TEAD2: variants seen among roughly 807,000 people sequenced by gnomAD.
TEAD2 encodes the protein TEA domain transcription factor 2.
Under a neutral mutation model 61.4 loss-of-function variants are expected in TEAD2, and 51 were observed. The observed-to-expected ratio is 0.83, with a 90% confidence interval of 0.66 to 1.05. The LOEUF (loss-of-function observed/expected upper bound fraction) is 1.05. Ranked by LOEUF, TEAD2 falls within the 50% of genes least tolerant of loss-of-function variation. The pLI, the probability that TEAD2 is intolerant of heterozygous loss-of-function variation, is 0.00. For missense variants in TEAD2, 509 were observed against 600.0 expected (o/e 0.85, Z 1.58); for synonymous variants, 244 against 243.2 (o/e 1.00, Z -0.03).
chr19:49,357,156 C>A lies in TEAD2; in HGVS notation c.360+96G>T. ...AGTCCTCCCCGCTCTAAGTCTCTGT[C>A]CCCCTCTCCCTGGGTCTCTGTCCCT... On this transcript the variant is annotated intron_variant, in intron 4 of 12. Transcript: ENST00000593945. 32 of 1,202,632 alleles carry A rather than the reference C, an allele frequency of 2.7e-5. No homozygotes were observed. The South Asian group carries it at 3.9e-4, about 15-fold the overall frequency. 74.5% of individuals were successfully genotyped at this position (1,202,632 alleles called of 1,614,324 possible).
rs748101795 is a variant in TEAD2, at chr19:49,351,375, A to G, written c.540-10T>C. ...TGAGAATGGCTTCACACTGAGGGAA[A>G]AAGGAAGCCAGGGGTTAGCCAGGTA... On this transcript the variant is annotated splice_polypyrimidine_tract_variant and intron_variant, in intron 7 of 12. Coordinates refer to ENST00000593945, the MANE Select transcript of TEAD2 (RefSeq NM_001256660.2). 2 of 1,607,158 alleles carry G rather than the reference A, an allele frequency of 1.2e-6. No homozygotes were observed. The highest frequency in any genetic ancestry group is 1.7e-6 in the Non-Finnish European group (2 of 1,177,524).
rs1179230155 is a variant in TEAD2 at position 49,346,174 on chromosome 19, A to T, written c.921+1016T>A. ...GAGCAAAATTCCATCTCAAAAAAAA[A>T]AAAAAAAAAAACAATAAAAGAAAAT... On this transcript the variant is annotated intron_variant, in intron 10 of 12. Coordinates refer to ENST00000593945, the MANE Select transcript of TEAD2 (RefSeq NM_001256660.2). 1.1e-3 allele frequency among the ~76,000 whole-genome samples: 155 copies of T among 146,690 alleles called. 1 individual carries two copies. The highest frequency in any genetic ancestry group is 7.6e-3 in the East Asian group (38 of 4,986).
rs1335768168 is a variant in TEAD2, at chr19:49,359,892, G to A, written c.184C>T (p.Pro62Ser). ...AAAATTATTTTCCGGCGGCCGCAGGGTGGATAGATGGCCAGGGCCTCCTGG... is the reference window on the plus strand; with the variant it reads ...AAAATTATTTTCCGGCGGCCGCAGGATGGATAGATGGCCAGGGCCTCCTGG... ...SFQEALAIYPPCGRRKIILSD... is the reference protein window; with the variant it reads ...SFQEALAIYPSCGRRKIILSD... Residue 62 changes from proline (P) to serine (S), a missense_variant, in exon 2 of 13, where the codon CCC (proline) becomes TCC (serine). Physicochemically the swap from Pro to Ser is moderately conservative, Grantham distance 74. Transcript: ENST00000593945. The surrounding 1 kb of genome is among the most constrained non-coding windows in gnomAD (Gnocchi z 4.1). 7 of 1,613,688 alleles carry A rather than the reference G, an allele frequency of 4.3e-6. No homozygotes were observed. The highest frequency in any genetic ancestry group is 5.1e-6 in the Non-Finnish European group (6 of 1,180,034).
intron 7 of TEAD2, among the ~76,000 whole-genome samples, chr19:49,354,513 A>G (rs1054894579): frequency 7.9e-5 from 12 of 151,956 alleles, no homozygotes; most frequent in African/African-American, 2.9e-4. Flanking sequence ...AAAAAAAGAA[A>G]AAAAAAAAAA....
chr19:49,358,155 A>C (rs1422558977), intron 3 of TEAD2, among the ~76,000 whole-genome samples: 1 of 152,102 alleles, frequency 6.6e-6, no homozygotes, highest in Non-Finnish European at 1.5e-5. Flanking sequence ...AATCGCTTGA[A>C]CCCGGGAGGC....
At chr19:49,343,511 G>T in intron 10 of TEAD2, 113 bp from the exon 11 acceptor site, 3 of 1,256,744 alleles carry the variant, frequency 2.4e-6, no homozygotes, top group Non-Finnish European at 3.2e-6. Context: ...AGGCCGAGGC[G>T]GGCGGATCAC....
intron 8 of TEAD2, 39 bp downstream of exon 8, chr19:49,351,262 G>A (rs1568569477): frequency 1.9e-6 from 3 of 1,586,692 alleles, no homozygotes; most frequent in Admixed American, 1.8e-5. Flanking sequence ...GTCGAAGAGA[G>A]AGAGGGGAGA....
At chr19:49,342,636 C>G (rs773962945) in intron 11 of TEAD2, 46 bp from the exon 12 acceptor site, 1 of 1,595,442 alleles carries the variant, frequency 6.3e-7, no homozygotes, top group Non-Finnish European at 8.6e-7. Context: ...CTGAGAGACC[C>G]ACGGGTCACC....
At chr19:49,349,066 G>T in intron 8 of TEAD2, 1 of 453,918 alleles carries the variant, frequency 2.2e-6, no homozygotes, top group Non-Finnish European at 3.7e-6. Flanking sequence ...CTTCCTGAAT[G>T]AAAAAGACAG....
In TEAD2 at chr19:49,355,207, C is replaced by T; in HGVS notation, c.481-1G>A. 6.2e-7 allele frequency: 1 copy of T among 1,613,336 alleles called. No individual in the cohort carries two copies. The highest frequency in any genetic ancestry group is 8.5e-7 in the Non-Finnish European group (1 of 1,179,690). ...ACCAAAACTGGAAAAGCTCAGAGGC[C>T]TGGATAGGACACAAAGAAAAATGGT... On this transcript the variant is annotated splice_acceptor_variant, in intron 6 of 12. Transcript: ENST00000593945. LOFTEE classifies it high-confidence loss of function.
At chr19:49,349,265 C>T (rs962876967) in intron 8 of TEAD2, among the ~76,000 whole-genome samples, 1 of 152,088 alleles carries the variant, frequency 6.6e-6, no homozygotes, top group African/African-American at 2.4e-5. Flanking sequence ...AGATTGAGAC[C>T]GTCCTGGCTA....
intron 4 of TEAD2, 134 bp downstream of exon 4, chr19:49,357,118 C>G (rs2146581754): frequency 1.3e-6 from 1 of 753,442 alleles, no homozygotes; most frequent in East Asian, 3.8e-5. Context: ...CTGTCCCTTT[C>G]TCTCTGGGTC....
Position 49,343,212 on chromosome 19 carries a change from T to A in TEAD2, c.1089+19A>T. 1.3e-6 allele frequency: 2 copies of A among 1,595,944 alleles called. No individual in the cohort carries two copies. The highest frequency in any genetic ancestry group is 3.4e-5 in the Admixed American group (2 of 58,154). ...GCACCCCCAAGTGCTGACCCAGAGCTCCACCCCTCCAGCCTCACCTCCACC... is the reference window on the plus strand; with the variant it reads ...GCACCCCCAAGTGCTGACCCAGAGCACCACCCCTCCAGCCTCACCTCCACC... On this transcript the variant is annotated intron_variant, in intron 11 of 12. Coordinates refer to ENST00000593945, the MANE Select transcript of TEAD2 (RefSeq NM_001256660.2).
chr19:49,362,271 G>C (rs17272784), intron 1 of TEAD2, 62 bp downstream of exon 1: 28,922 of 152,354 alleles, frequency 0.19, 3,316 homozygotes, highest in Non-Finnish European at 0.25. Flanking sequence ...ACCATTCAGA[G>C]ACGGTCCCGC....
Position 49,347,379 on chromosome 19 carries a change from C to T in TEAD2, c.748-16G>A, listed in dbSNP as rs1600721401. ...GCCTCTGGTACTGAGGAGGGTTGGC[C>T]GTGGGTGAGAAGTCGGAGGTGAGCT... On this transcript the variant is annotated splice_polypyrimidine_tract_variant and intron_variant, in intron 9 of 12. Coordinates refer to ENST00000593945, the MANE Select transcript of TEAD2 (RefSeq NM_001256660.2). 7 of 1,600,338 alleles carry T rather than the reference C, an allele frequency of 4.4e-6. No individual in the cohort carries two copies. Among genetic ancestry groups the T allele is most frequent in the Non-Finnish European group, 5.1e-6 (6 of 1,175,838 alleles).
chr19:49,355,021 GCATACATA>G (rs113350132), intron 7 of TEAD2, 119 bp downstream of exon 7: 93 of 630,612 alleles, frequency 1.5e-4, no homozygotes, highest in African/African-American at 1.3e-3. Context: ...ATACATACAT[GCATACATA>G]CATACATACA....
Position 49,348,931 on chromosome 19 carries a change from A to T in TEAD2, c.605-86T>A, listed in dbSNP as rs569139725. 1.1e-4 allele frequency: 160 copies of T among 1,418,792 alleles called. No individual in the cohort carries two copies. In the African/African-American group the frequency reaches 1.7e-3, roughly 15 times the overall value. 87.9% of individuals were successfully genotyped at this position (1,418,792 alleles called of 1,614,324 possible). ...TGTTGTCTCTTGCCTGCCTCCACTT[A>T]GAAGCTGAAAAAGCTAAATACTCAC... On this transcript the variant is annotated intron_variant, in intron 8 of 12. Transcript: ENST00000593945.
Position 49,360,093 on chromosome 19 carries a change from CA to C in TEAD2, c.-6-13del. On this transcript the variant is annotated splice_polypyrimidine_tract_variant and intron_variant, in intron 1 of 12. Coordinates refer to ENST00000593945, the MANE Select transcript of TEAD2 (RefSeq NM_001256660.2). The stretch of plus-strand genomic sequence containing the variant: ...TCCCCCATCTGGGCCTGGAGGAACA[CA>C]GAACTCAGCAAGCTTCCCCCAAACC... 6.3e-7 allele frequency: 1 copy of C among 1,593,900 alleles called. No homozygotes were observed. The highest frequency in any genetic ancestry group is 8.5e-7 in the Non-Finnish European group (1 of 1,172,878).
chr19:49,360,082 C>A lies in TEAD2; in HGVS notation c.-6-1G>T, dbSNP rs1446273093. On this transcript the variant is annotated splice_acceptor_variant, in intron 1 of 12. Transcript: ENST00000593945. LOFTEE classifies it low-confidence loss of function (5UTR_SPLICE). Reference sequence around the variant, plus strand: ...CAGCCCGGGGTTCCCCCATCTGGGCCTGGAGGAACACAGAACTCAGCAAGC... The same window carrying A: ...CAGCCCGGGGTTCCCCCATCTGGGCATGGAGGAACACAGAACTCAGCAAGC... The A allele has an allele frequency of 1.2e-5, 19 of 1,602,000 alleles. No individual in the cohort carries two copies. Among genetic ancestry groups the A allele is most frequent in the Non-Finnish European group, 1.6e-5 (19 of 1,178,362 alleles).
Sources: gnomAD v4.1 joint callset for allele counts (sites outside exome capture counted in the v4.1 genomes callset) on GRCh38, gnomAD v4.1.1 for gene constraint, Gnocchi (gnomAD v3.1) non-coding constraint, MANE v1.5 for transcripts, NCBI Gene and HGNC (gene_info 2026-07-23, HGNC 2026-07-21) for gene names.